RNPEPL1: variants seen among roughly 807,000 people sequenced by gnomAD.
The protein encoded by RNPEPL1 is arginyl aminopeptidase like 1.
Under a neutral mutation model 69.0 loss-of-function variants are expected in RNPEPL1, and 46 were observed. The ratio of observed to expected loss-of-function variants is 0.67; its 90% CI spans 0.53 to 0.85. The LOEUF is 0.85. RNPEPL1 is among the 40% of genes least tolerant of loss of function. The pLI is 0.00. For synonymous variants in RNPEPL1, 525 were observed against 454.1 expected, an observed-to-expected ratio of 1.16 and a Z score of -1.98; for missense variants, 869 against 992.5, an observed-to-expected ratio of 0.88 and a Z score of 1.67.
Position 240,569,123 on chromosome 2 carries a change from G to C in RNPEPL1, c.528+9G>C, listed in dbSNP as rs1388701621. On this transcript the variant is annotated intron_variant, in intron 1 of 10. Transcript: ENST00000270357. ...CGACCGACGCCCCCGCCGTGAGTCC[G>C]GGGCGGGCGCCGGGGCTGCGGGCCG... 2 of 1,474,296 alleles carry C rather than the reference G, an allele frequency of 1.4e-6. No homozygotes were observed. Among genetic ancestry groups the C allele is most frequent in the Non-Finnish European group, 1.8e-6 (2 of 1,119,726 alleles). The allele number at this position is 1,474,296 out of a possible 1,614,324, so 91.3% of individuals were successfully genotyped here.
Position 240,574,506 on chromosome 2 carries a change from C to T in RNPEPL1, c.1175-9C>T, listed in dbSNP as rs377265496. 180 of 1,607,036 alleles carry T rather than the reference C, an allele frequency of 1.1e-4. No homozygotes were observed. The highest frequency in any genetic ancestry group is 5.6e-4 in the African/African-American group (42 of 74,942). On this transcript the variant is annotated splice_polypyrimidine_tract_variant and intron_variant, in intron 5 of 10. Coordinates refer to ENST00000270357, the MANE Select transcript of RNPEPL1 (RefSeq NM_018226.6). ...CCTCACCTCTCCTCTGTCTCCGGAC[C>T]CCATCCAGGTGCTGCCTTCACCTGC...
At chr2:240,572,977 C>T in intron 2 of RNPEPL1, 133 bp from the exon 3 acceptor site, 3 of 1,101,936 alleles carry the variant, frequency 2.7e-6, no homozygotes, top group Non-Finnish European at 3.8e-6. Context: ...GAGAAGTTCT[C>T]TGACAGAAAC....
chr2:240,568,514 GCCGCCGC>G lies in RNPEPL1; in HGVS notation c.-69_-63del, dbSNP rs2093010663. The G allele has an allele frequency of 1.2e-5, 9 of 751,502 alleles. No individual in the cohort carries two copies. Among genetic ancestry groups the G allele is most frequent in the Non-Finnish European group, 1.3e-5 (8 of 620,654 alleles). The allele number at this position is 751,502 out of a possible 1,614,324, so 46.6% of individuals were successfully genotyped here. A position where few individuals can be genotyped will look rare whatever the true frequency, so the allele number is the denominator to read the frequency against. On this transcript the variant is annotated 5_prime_UTR_variant, in exon 1 of 11. Transcript: ENST00000270357. This position sits in a 1 kb window ranked among gnomAD's most constrained non-coding sequence, Gnocchi z 6.2. Reference sequence around the variant, plus strand: ...CCTGTTGTGCCCGCGCCCCGCCGCCGCCGCCGCCCGGCGCCCCTCGCCCGCGGCCCGG... The same window carrying G: ...CCTGTTGTGCCCGCGCCCCGCCGCCGCCGGCGCCCCTCGCCCGCGGCCCGG...
At chr2:240,577,108 G>A (rs1165032346) in intron 10 of RNPEPL1, 118 bp downstream of exon 10, 4 of 1,343,800 alleles carry the variant, frequency 3.0e-6, no homozygotes, top group South Asian at 2.6e-5. Context: ...GGAGAATGGG[G>A]CGGGGAAGAC....
rs553240462 is a variant in RNPEPL1, at chr2:240,578,119, C to T, written c.*227C>T. 4.5e-6 allele frequency: 2 copies of T among 446,834 alleles called. No homozygotes were observed. The highest frequency in any genetic ancestry group is 6.1e-5 in the South Asian group (1 of 16,280). The allele number at this position is 446,834 out of a possible 1,614,324, so 27.7% of individuals were successfully genotyped here. On this transcript the variant is annotated 3_prime_UTR_variant, in exon 11 of 11. Transcript: ENST00000270357. The stretch of plus-strand genomic sequence containing the variant: ...CTCCCAGCTCTCTTGCACTGCAGGC[C>T]CTGGGGCCAGCCCGCACACACCATG...
At position 240,573,968 on chromosome 2, in the gene RNPEPL1, GTGTCC is replaced by G. The variant is rs762808863; in HGVS notation, c.938+83_938+87del. 3.5e-4 allele frequency: 498 copies of G among 1,427,418 alleles called. 1 individual carries two copies. Among genetic ancestry groups the G allele is most frequent in the Non-Finnish European group, 4.6e-4 (475 of 1,041,080 alleles). 88.4% of individuals were successfully genotyped at this position (1,427,418 alleles called of 1,614,324 possible). ...GGGAGCCCCTCGTCTGACCCCTGGG[GTGTCC>G]TGTCCCCATCTCCTGGGGAGGAAGC... On this transcript the variant is annotated intron_variant, in intron 4 of 10. Transcript: ENST00000270357.
At chr2:240,573,575 T>C (rs1267052449) in intron 3 of RNPEPL1, among the ~76,000 whole-genome samples, 200 bp from the exon 4 acceptor site, 2 of 152,318 alleles carry the variant, frequency 1.3e-5, no homozygotes, top group Admixed American at 6.5e-5. Flanking sequence ...ACGTGGCCCC[T>C]GGAATGCAGC....
At chr2:240,571,531 C>T (rs2093021460) in intron 1 of RNPEPL1, among the ~76,000 whole-genome samples, 2 of 151,964 alleles carry the variant, frequency 1.3e-5, no homozygotes, top group African/African-American at 4.8e-5. Context: ...TCTGAGCTGC[C>T]CTCACTGGAG....
intron 8 of RNPEPL1, 128 bp from the exon 9 acceptor site, chr2:240,576,407 A>G (rs1181094326): frequency 1.8e-5 from 15 of 826,654 alleles, no homozygotes; most frequent in Non-Finnish European, 2.4e-5. Context: ...GCCTTCCTGA[A>G]CAGCCCACGT....
chr2:240,569,980 C>A (rs935892675), intron 1 of RNPEPL1, among the ~76,000 whole-genome samples: 20 of 152,224 alleles, frequency 1.3e-4, no homozygotes, highest in African/African-American at 4.6e-4. Context: ...CCCCTATGGG[C>A]TTCCTGTACA....
intron 1 of RNPEPL1, among the ~76,000 whole-genome samples, chr2:240,571,850 C>T (rs544561669): frequency 6.6e-6 from 1 of 152,220 alleles, no homozygotes; most frequent in East Asian, 1.9e-4. Context: ...GGCCTCCACT[C>T]CCTGCTTGCT....
Position 240,576,725 on chromosome 2 carries a change from C to A in RNPEPL1, c.1701C>A (p.Leu567=), listed in dbSNP as rs2093038712. ...AGTGGAGGACCTTCCAGACAGCACT[C>A]TTCCTGGACCGGCTCCTGGATGGGT... is the stretch of plus-strand genomic sequence containing the variant. ...ISKWRTFQTA[L]FLDRLLDGSP... is the part of the protein sequence containing the mutation. Residue 567 remains leucine, a synonymous_variant, in exon 9 of 11, where the codon CTC becomes CTA. Transcript: ENST00000270357. The A allele has an allele frequency of 6.2e-7, 1 of 1,612,986 alleles. No homozygotes were observed. Among genetic ancestry groups the A allele is most frequent in the South Asian group, 1.1e-5 (1 of 91,084 alleles).
At chr2:240,575,451 G>C (rs1038022293) in intron 7 of RNPEPL1, 51 bp from the exon 8 acceptor site, 1 of 1,490,096 alleles carries the variant, frequency 6.7e-7, no homozygotes, top group Non-Finnish European at 9.4e-7. Flanking sequence ...TGGTGGGGCT[G>C]CCTGTGCCCC....
chr2:240,569,128 G>A lies in RNPEPL1; in HGVS notation c.528+14G>A. On this transcript the variant is annotated intron_variant, in intron 1 of 10. Coordinates refer to ENST00000270357, the MANE Select transcript of RNPEPL1 (RefSeq NM_018226.6). ...GACGCCCCCGCCGTGAGTCCGGGGC[G>A]GGCGCCGGGGCTGCGGGCCGGTCCG... 1 of 1,467,148 alleles carries A rather than the reference G, an allele frequency of 6.8e-7. No individual in the cohort carries two copies. Among genetic ancestry groups the A allele is most frequent in the Non-Finnish European group, 9.0e-7 (1 of 1,116,568 alleles). The allele number at this position is 1,467,148 out of a possible 1,614,324, so 90.9% of individuals were successfully genotyped here.
rs2093027074 is a variant in RNPEPL1, at chr2:240,573,156, A to G, written c.716A>G (p.Tyr239Cys). 4 of 1,610,016 alleles carry G rather than the reference A, an allele frequency of 2.5e-6. No homozygotes were observed. The highest frequency in any genetic ancestry group is 3.4e-6 in the Non-Finnish European group (4 of 1,178,992). Residue 239 changes from tyrosine to cysteine, a missense_variant, in exon 3 of 11, where the codon TAC (tyrosine) becomes TGC (cysteine). This residue lies in a region of RNPEPL1 where 610 missense variants were observed against 790.9 expected (regional missense o/e 0.77). Transcript: ENST00000270357. ...QVLMSATRSA[Y>C]MEEEGVFHFH... ...CTGATGAGTGCCACCCGGAGTGCAT[A>G]CATGGAGGAAGAAGGCGTCTTCCAC...
rs1171161021 is a variant in RNPEPL1, at chr2:240,577,748, C to T, written c.2034C>T (p.Gly678=). 6.2e-7 allele frequency: 1 copy of T among 1,612,364 alleles called. No homozygotes were observed. Among genetic ancestry groups the T allele is most frequent in the East Asian group, 2.2e-5 (1 of 44,858 alleles). Residue 678 remains glycine, a synonymous_variant, in exon 11 of 11, where the codon GGC becomes GGT. Coordinates refer to ENST00000270357, the MANE Select transcript of RNPEPL1 (RefSeq NM_018226.6). Reference sequence around the variant, plus strand: ...AGCAGATCCTGTCCCAGGGCCTGGGCTCCAGCACAGAGCCCGCCTCAGAGC... The same window carrying T: ...AGCAGATCCTGTCCCAGGGCCTGGGTTCCAGCACAGAGCCCGCCTCAGAGC... ...AIQQILSQGL[G]SSTEPASEPS...
Position 240,578,117 on chromosome 2 carries a change from G to T in RNPEPL1, c.*225G>T. ...CACTCCCAGCTCTCTTGCACTGCAG[G>T]CCCTGGGGCCAGCCCGCACACACCA... On this transcript the variant is annotated 3_prime_UTR_variant, in exon 11 of 11. Transcript: ENST00000270357. 2.2e-6 allele frequency: 1 copy of T among 447,266 alleles called. No homozygotes were observed. The highest frequency in any genetic ancestry group is 4.0e-6 in the Non-Finnish European group (1 of 253,120). The allele number at this position is 447,266 out of a possible 1,614,324, so 27.7% of individuals were successfully genotyped here. A position where few individuals can be genotyped will look rare whatever the true frequency, so the allele number is the denominator to read the frequency against.
chr2:240,574,969 C>T, intron 6 of RNPEPL1, 61 bp from the exon 7 acceptor site: 1 of 1,274,330 alleles, frequency 7.8e-7, no homozygotes, highest in Non-Finnish European at 1.1e-6. Context: ...CACTGCCCCT[C>T]CCTATTCCAC....
intron 2 of RNPEPL1, 75 bp from the exon 3 acceptor site, chr2:240,573,035 C>T (rs1484349732): frequency 1.4e-6 from 2 of 1,461,668 alleles, no homozygotes; most frequent in African/African-American, 2.8e-5. Flanking sequence ...ATGGGGCTGC[C>T]TGACAGGCTC....
Sources: allele counts gnomAD v4.1 joint callset (sites outside exome capture counted in the v4.1 genomes callset), GRCh38; gene constraint gnomAD v4.1.1; regional missense constraint gnomAD v4.1.1; non-coding constraint Gnocchi (gnomAD v3.1); transcripts MANE v1.5; gene names NCBI Gene and HGNC (gene_info 2026-07-23, HGNC 2026-07-21).